Variants in EVC observed in about 807,000 individuals in gnomAD.
The protein encoded by EVC is EvC ciliary complex subunit 1.
EVC carries 116 observed loss-of-function variants against 118.9 expected under a neutral mutation model. That is an observed-to-expected ratio of 0.98 (90% confidence interval 0.84 to 1.14). EVC has a LOEUF of 1.14. Among genes scored for constraint, EVC ranks in the 50% most tolerant of loss-of-function variants. The pLI, the probability that EVC is intolerant of heterozygous loss-of-function variation, is 0.00. For synonymous variants in EVC, 619 were observed against 534.7 expected, an observed-to-expected ratio of 1.16 and a Z score of -2.18; for missense variants, 1,401 against 1,246.4, an observed-to-expected ratio of 1.12 and a Z score of -1.87.
Position 5,729,302 on chromosome 4 carries a change from C to A in EVC, c.301-5C>A. ...TCCCATGCCGTTTGTGTCTTTCCCT[C>A]CCAGGAATGTGAGCCGCCTTCCAAC... On this transcript the variant is annotated splice_region_variant and splice_polypyrimidine_tract_variant and intron_variant, in intron 2 of 20. Coordinates refer to ENST00000264956, the MANE Select transcript of EVC (RefSeq NM_153717.3). 6.2e-7 allele frequency: 1 copy of A among 1,614,044 alleles called. No homozygotes were observed. Among genetic ancestry groups the A allele is most frequent in the Non-Finnish European group, 8.5e-7 (1 of 1,179,940 alleles).
intron 13 of EVC, among the ~76,000 whole-genome samples, chr4:5,794,232 T>C (rs554455253): frequency 3.5e-4 from 27 of 77,780 alleles, no homozygotes. Flanking sequence ...GAAAAATATA[T>C]ATATATTTAT....
At chr4:5,734,078 T>C (rs902291706) in intron 5 of EVC, among the ~76,000 whole-genome samples, 4 of 152,222 alleles carry the variant, frequency 2.6e-5, no homozygotes, top group Admixed American at 6.5e-5. Context: ...TGGCCTCTGA[T>C]TGAATCAGCC....
chr4:5,819,408 G>T, the EVC span, among the ~76,000 whole-genome samples: 13 of 152,224 alleles, frequency 8.5e-5, no homozygotes, highest in African/African-American at 3.1e-4. Flanking sequence ...GAAGTCACAT[G>T]CCTTAAAAGG....
At chr4:5,790,260 T>C (rs1408138298) in intron 12 of EVC, among the ~76,000 whole-genome samples, 1 of 151,950 alleles carries the variant, frequency 6.6e-6, no homozygotes, top group Non-Finnish European at 1.5e-5. Context: ...AATAGATTAT[T>C]GTAAACTCCT....
Position 5,745,247 on chromosome 4 carries a change from A to ACAC in EVC, c.846_848dup (p.Thr283dup). 1 of 1,614,092 alleles carries ACAC rather than the reference A, an allele frequency of 6.2e-7. No individual in the cohort carries two copies. ...AAGGGACTTCAGGTCAAACTGTCAA[A>ACAC]CACAGAAATGTCGGGGGCTGGTGAC... On this transcript the variant is annotated inframe_insertion, in exon 7 of 21. Coordinates refer to ENST00000264956, the MANE Select transcript of EVC (RefSeq NM_153717.3).
chr4:5,800,012 A>C (rs1714684137), intron 15 of EVC, among the ~76,000 whole-genome samples: 1 of 152,220 alleles, frequency 6.6e-6, no homozygotes, highest in Non-Finnish European at 1.5e-5. Context: ...CAAGATTGGA[A>C]AATGAGTACC....
In EVC at chr4:5,711,456, G is replaced by T. The variant is rs1171886869; in HGVS notation, c.76G>T (p.Ala26Ser). ...LGRDALRPAP[A>S]LLAPAVLLGA... is the part of the protein sequence containing the mutation. ...GCGGGACGCGCTGCGGCCGGCGCCC[G>T]CCCTGCTGGCCCCCGCCGTGCTGCT... Residue 26 changes from alanine to serine, a missense_variant, in exon 1 of 21, where the codon GCC (alanine) becomes TCC (serine). By Grantham distance (99) the Ala-to-Ser change is moderately conservative. Transcript: ENST00000264956. 4.8e-6 allele frequency: 5 copies of T among 1,038,172 alleles called. No homozygotes were observed. Among genetic ancestry groups the T allele is most frequent in the Middle Eastern group, 4.6e-4 (1 of 2,172 alleles). 64.3% of individuals were successfully genotyped at this position (1,038,172 alleles called of 1,614,324 possible). A position where few individuals can be genotyped will look rare whatever the true frequency, so the allele number is the denominator to read the frequency against.
the EVC span, among the ~76,000 whole-genome samples, chr4:5,822,247 G>A: frequency 6.6e-6 from 1 of 152,226 alleles, no homozygotes; most frequent in Non-Finnish European, 1.5e-5. Context: ...CAACTTACGG[G>A]TGAGCAATTT....
At chr4:5,729,538 T>A in intron 3 of EVC, 148 bp downstream of exon 3, 1 of 811,664 alleles carries the variant, frequency 1.2e-6, no homozygotes, top group Non-Finnish European at 2.1e-6. Context: ...GTTTTGAGGC[T>A]CAGGAACAGG....
intron 2 of EVC, among the ~76,000 whole-genome samples, chr4:5,724,604 G>C (rs1038744576): frequency 1.3e-5 from 2 of 152,156 alleles, no homozygotes; most frequent in African/African-American, 4.8e-5. Context: ...ACCTCTCTGT[G>C]ACTCATTTTC....
At chr4:5,791,079 G>A (rs1577591431) in intron 12 of EVC, among the ~76,000 whole-genome samples, 1 of 152,122 alleles carries the variant, frequency 6.6e-6, no homozygotes, top group African/African-American at 2.4e-5. Context: ...CTGGGCAACA[G>A]AGCAAGACTC....
intron 11 of EVC, among the ~76,000 whole-genome samples, chr4:5,765,225 C>G (rs1221988171): frequency 8.5e-6 from 1 of 117,870 alleles, no homozygotes; most frequent in Admixed American, 7.7e-5. Flanking sequence ...GAGTGAGACT[C>G]TTAATCCTGA....
intron 4 of EVC, among the ~76,000 whole-genome samples, chr4:5,732,884 C>T (rs34598455): frequency 0.13 from 20,199 of 152,038 alleles, 1,749 homozygotes; most frequent in East Asian, 0.31. Flanking sequence ...GTGGTGCATG[C>T]CTGTAGTCCG....
At chr4:5,828,537 C>T in the EVC span, 1 of 1,614,264 alleles carries the variant, frequency 6.2e-7, no homozygotes, top group Non-Finnish European at 8.5e-7. Context: ...GGAACGCCTT[C>T]CGCGGAATGA....
In EVC at chr4:5,783,568, C is replaced by A. The variant is rs1735954420; in HGVS notation, c.1580C>A (p.Thr527Asn). The A allele has an allele frequency of 6.2e-7, 1 of 1,614,128 alleles. No individual in the cohort carries two copies. Residue 527 changes from threonine to asparagine, a missense_variant, in exon 12 of 21, where the codon ACC becomes AAC. Coordinates refer to ENST00000264956, the MANE Select transcript of EVC (RefSeq NM_153717.3). ...VALCQELYFSTVDTFQKFVDA... is the reference protein window; with the variant it reads ...VALCQELYFSNVDTFQKFVDA... ...CCGCTCCAGGAGCTGTACTTCAGCACCGTGGACACTTTCCAGAAGTTCGTG... is the reference window on the plus strand; with the variant it reads ...CCGCTCCAGGAGCTGTACTTCAGCAACGTGGACACTTTCCAGAAGTTCGTG...
rs1215152642 is a variant in EVC at position 5,787,413 on chromosome 4, T to C, written c.1776+3649T>C. Among the ~76,000 whole-genome samples, 4 of 152,048 alleles carry C rather than the reference T, an allele frequency of 2.6e-5. No homozygotes were observed. The East Asian group carries it at 5.8e-4, about 22-fold the overall frequency. On this transcript the variant is annotated intron_variant, in intron 12 of 20. Transcript: ENST00000264956. ...ATGTTATCACAAGGGTCCTTATAAG[T>C]GAAAAAGGAGCAGCAGTGCCAGAGT...
At chr4:5,810,106 C>T (rs376553615) in intron 19 of EVC, among the ~76,000 whole-genome samples, 175 of 152,316 alleles carry the variant, frequency 1.1e-3, no homozygotes, top group African/African-American at 4.1e-3. Flanking sequence ...CAGACTGGAG[C>T]TCAAGCCACA....
At chr4:5,728,524 G>A (rs1485330486) in intron 2 of EVC, among the ~76,000 whole-genome samples, 1 of 152,108 alleles carries the variant, frequency 6.6e-6, no homozygotes, top group Non-Finnish European at 1.5e-5. Flanking sequence ...TGCAAACAGG[G>A]ACAATTTGAC....
At chr4:5,773,928 G>A (rs1734351043) in intron 11 of EVC, among the ~76,000 whole-genome samples, 1 of 152,070 alleles carries the variant, frequency 6.6e-6, no homozygotes, top group Non-Finnish European at 1.5e-5. Context: ...CCTGTGATGA[G>A]GAACAAAAGT....
Sources: gnomAD v4.1 joint callset for allele counts (sites outside exome capture counted in the v4.1 genomes callset) on GRCh38, gnomAD v4.1.1 for gene constraint, MANE v1.5 for transcripts, NCBI Gene and HGNC (gene_info 2026-07-23, HGNC 2026-07-21) for gene names.